Variants in MYO9B observed in about 807,000 individuals in gnomAD.
MYO9B encodes unconventional myosin-IXb.
Under a neutral mutation model 229.5 loss-of-function variants are expected in MYO9B, and 71 were observed. The observed-to-expected ratio is 0.31, with a 90% confidence interval of 0.26 to 0.38. MYO9B has a LOEUF of 0.38. MYO9B is among the 10% of genes least tolerant of loss of function. The pLI is 1.00. For synonymous variants in MYO9B, 1,185 were observed against 1,235.8 expected, an observed-to-expected ratio of 0.96 and a Z score of 0.86; for missense variants, 2,255 against 2,920.5, an observed-to-expected ratio of 0.77 and a Z score of 5.25.
chr19:17,161,048 G>A (rs569308616), intron 8 of MYO9B, among the ~76,000 whole-genome samples: 9 of 150,440 alleles, frequency 6.0e-5, no homozygotes, highest in Non-Finnish European at 1.0e-4. Context: ...CAATCCACCC[G>A]CCTCGGCTCC....
chr19:17,088,419 G>A (rs937656168), intron 1 of MYO9B, among the ~76,000 whole-genome samples: 57 of 152,174 alleles, frequency 3.7e-4, no homozygotes, highest in African/African-American at 1.3e-3. Flanking sequence ...TGGGGAGCAC[G>A]AATGAACTCC....
rs902753286 is a variant in MYO9B, at chr19:17,190,951, A to G, written c.2689-146A>G. ...TGAGCCACCACACCCGGCCCAGACTATTTCTGAAAGCCTGAAATTTTAGAT... is the reference window on the plus strand; with the variant it reads ...TGAGCCACCACACCCGGCCCAGACTGTTTCTGAAAGCCTGAAATTTTAGAT... On this transcript the variant is annotated intron_variant, in intron 19 of 39. Transcript: ENST00000682292. The G allele has an allele frequency of 1.1e-5, 10 of 877,968 alleles. No individual in the cohort carries two copies. In the African/African-American group the frequency reaches 1.4e-4, roughly 12 times the overall value. The allele number at this position is 877,968 out of a possible 1,614,324, so 54.4% of individuals were successfully genotyped here. A position where few individuals can be genotyped will look rare whatever the true frequency, so the allele number is the denominator to read the frequency against.
rs908069730 is a variant in MYO9B at position 17,102,201 on chromosome 19, C to T, written c.484C>T (p.Leu162Phe). 6.2e-7 allele frequency: 1 copy of T among 1,613,868 alleles called. No individual in the cohort carries two copies. Among genetic ancestry groups the T allele is most frequent in the African/African-American group, 1.3e-5 (1 of 74,934 alleles). ...CCTCCCCGAGCTAACCGAGGGCAAC[C>T]TCCTGAAGAACCTCAAGCACCGCTT... Reference protein sequence around the residue: ...CNLPELTEGNLLKNLKHRFLQ... With the variant: ...CNLPELTEGNFLKNLKHRFLQ... Residue 162 changes from leucine (L) to phenylalanine (F), a missense_variant, in exon 2 of 40, where the codon CTC becomes TTC. Leu to Phe is a conservative substitution (Grantham distance 22). Coordinates refer to ENST00000682292, the MANE Select transcript of MYO9B (RefSeq NM_004145.4).
At chr19:17,204,166 G>A (rs916310075) in intron 30 of MYO9B, among the ~76,000 whole-genome samples, 8 of 151,924 alleles carry the variant, frequency 5.3e-5, no homozygotes, top group Non-Finnish European at 1.0e-4. Flanking sequence ...ACCCAGGCCC[G>A]TCCCCTCACC....
intron 2 of MYO9B, among the ~76,000 whole-genome samples, chr19:17,124,302 G>A (rs924581196): frequency 1.3e-5 from 2 of 152,140 alleles, no homozygotes; most frequent in Non-Finnish European, 2.9e-5. Context: ...GGACCAGCCT[G>A]GGCAACATAG....
intron 3 of MYO9B, among the ~76,000 whole-genome samples, chr19:17,151,975 G>A (rs573829788): frequency 3.3e-5 from 5 of 152,158 alleles, no homozygotes; most frequent in African/African-American, 1.2e-4. Context: ...ATCACCTGAG[G>A]TCAGGAGTTC....
intron 2 of MYO9B, among the ~76,000 whole-genome samples, chr19:17,107,413 TAG>T (rs1216376818): frequency 6.6e-6 from 1 of 152,154 alleles, no homozygotes; most frequent in East Asian, 1.9e-4. Context: ...GATTGCCACC[TAG>T]GTCTCAGTTC....
At position 17,191,186 on chromosome 19, in the gene MYO9B, A is replaced by T. The variant is rs1191192308; in HGVS notation, c.2778A>T (p.Ile926=). 1 of 1,612,360 alleles carries T rather than the reference A, an allele frequency of 6.2e-7. No homozygotes were observed. The highest frequency in any genetic ancestry group is 2.2e-5 in the East Asian group (1 of 44,848). Residue 926 remains isoleucine, a synonymous_variant, in exon 20 of 40, where the codon ATA becomes ATT. Transcript: ENST00000682292. ...VISTLLEKMK[I]DKRNYQIGKT... Reference sequence around the variant, plus strand: ...CCACCCTCCTGGAGAAAATGAAGATAGACAAGAGGAACTACCAGATCGGGA... The same window carrying T: ...CCACCCTCCTGGAGAAAATGAAGATTGACAAGAGGAACTACCAGATCGGGA...
At chr19:17,208,970 C>T (rs2073194710) in intron 35 of MYO9B, among the ~76,000 whole-genome samples, 1 of 151,562 alleles carries the variant, frequency 6.6e-6, no homozygotes, top group Non-Finnish European at 1.5e-5. Context: ...CCCTCTGGCA[C>T]TGAACACTCC....
chr19:17,158,554 C>A lies in MYO9B; in HGVS notation c.1330-841C>A, dbSNP rs190818668. Among the ~76,000 whole-genome samples, 958 of 151,812 alleles carry A rather than the reference C, an allele frequency of 6.3e-3. 3 individuals carry two copies. The highest frequency in any genetic ancestry group is 0.01 in the Non-Finnish European group (706 of 67,920). On this transcript the variant is annotated intron_variant, in intron 7 of 39. Coordinates refer to ENST00000682292, the MANE Select transcript of MYO9B (RefSeq NM_004145.4). ...AGGTTGCAGTGAGCCAAGATTGCGC[C>A]ACTGCACTCCAGCCTGAGCAACAGA...
At chr19:17,121,748 G>C (rs2057967775) in intron 2 of MYO9B, among the ~76,000 whole-genome samples, 1 of 152,220 alleles carries the variant, frequency 6.6e-6, no homozygotes, top group Admixed American at 6.5e-5. Context: ...CACTATGGGA[G>C]GCTGAGGCGG....
At chr19:17,148,853 G>C (rs2072445448) in intron 3 of MYO9B, among the ~76,000 whole-genome samples, 1 of 152,058 alleles carries the variant, frequency 6.6e-6, no homozygotes, top group South Asian at 2.1e-4. Flanking sequence ...CCAAGTGCTG[G>C]GATTACAGGT....
At chr19:17,129,228 T>C (rs7259696) in intron 2 of MYO9B, among the ~76,000 whole-genome samples, 108,212 of 151,990 alleles carry the variant, frequency 0.71, 39,314 homozygotes, top group African/African-American at 0.86. Flanking sequence ...GGTGAAACCC[T>C]GTCTCTACTA....
intron 2 of MYO9B, among the ~76,000 whole-genome samples, chr19:17,106,749 G>A (rs1341269680): frequency 3.9e-5 from 6 of 152,162 alleles, no homozygotes; most frequent in African/African-American, 1.2e-4. Flanking sequence ...AACATTGCAA[G>A]ACCCCATCTC....
At chr19:17,138,664 T>C (rs527360882) in intron 2 of MYO9B, among the ~76,000 whole-genome samples, 53 of 152,304 alleles carry the variant, frequency 3.5e-4, no homozygotes, top group Admixed American at 8.5e-4. Flanking sequence ...CTTAATCTGT[T>C]CGGGCTACTG....
chr19:17,081,330 A>G (rs1336993661), intron 1 of MYO9B, among the ~76,000 whole-genome samples: 1 of 152,102 alleles, frequency 6.6e-6, no homozygotes, highest in African/African-American at 2.4e-5. Flanking sequence ...CCCGGCCTCA[A>G]CTTACATTTT....
At chr19:17,179,048 A>C (rs1007756800) in intron 14 of MYO9B, among the ~76,000 whole-genome samples, 1 of 148,152 alleles carries the variant, frequency 6.7e-6, no homozygotes, top group South Asian at 2.1e-4. Context: ...AAAAAAAAAA[A>C]CTAGGGTTTC....
At chr19:17,148,433 G>T (rs1051408495) in intron 3 of MYO9B, among the ~76,000 whole-genome samples, 2 of 152,200 alleles carry the variant, frequency 1.3e-5, no homozygotes, top group African/African-American at 4.8e-5. Flanking sequence ...CCAGAAGTCG[G>T]ATATCAAGGT....
rs1015771115 is a variant in MYO9B at position 17,181,050 on chromosome 19, CCACCAAGGCCCTGCTT to C, written c.2333+11_2333+26del. 6.3e-7 allele frequency: 1 copy of C among 1,578,556 alleles called. No homozygotes were observed. ...CCCGCGCCTTCATCCTGTGAGTCCCCCACCAAGGCCCTGCTTACAAGTGCGACAACCGCCTCCCACT... is the reference window on the plus strand; with the variant it reads ...CCCGCGCCTTCATCCTGTGAGTCCCCACAAGTGCGACAACCGCCTCCCACT... On this transcript the variant is annotated intron_variant, in intron 15 of 39. Coordinates refer to ENST00000682292, the MANE Select transcript of MYO9B (RefSeq NM_004145.4).
Sources: allele counts gnomAD v4.1 joint callset (sites outside exome capture counted in the v4.1 genomes callset), GRCh38; gene constraint gnomAD v4.1.1; transcripts MANE v1.5; gene names NCBI Gene and HGNC (gene_info 2026-07-23, HGNC 2026-07-21).